Variants in NPAS3 observed in about 807,000 individuals in gnomAD.
The protein encoded by NPAS3 is neuronal PAS domain-containing protein 3.
A neutral mutation model predicts 73.1 loss-of-function variants in NPAS3; 14 were observed. The ratio of observed to expected loss-of-function variants is 0.19; its 90% confidence interval spans 0.13 to 0.30. NPAS3 has a LOEUF of 0.30. Ranked by LOEUF, NPAS3 falls within the 10% of genes least tolerant of loss-of-function variation. The pLI is 1.00. For missense variants in NPAS3, 1,096 were observed against 1,250.0 expected (o/e 0.88, Z 1.86); for synonymous variants, 620 against 541.5 (o/e 1.14, Z -2.01).
At chr14:33,465,001 G>A (rs1049468199) in intron 4 of NPAS3, among the ~76,000 whole-genome samples, 17 of 152,128 alleles carry the variant, frequency 1.1e-4, no homozygotes, top group African/African-American at 4.1e-4. Context: ...ATTCACTATA[G>A]AAACAGTAAA....
intron 2 of NPAS3, among the ~76,000 whole-genome samples, chr14:33,078,742 A>G (rs2041760731): frequency 6.6e-6 from 1 of 152,212 alleles, no homozygotes; most frequent in South Asian, 2.1e-4. Flanking sequence ...ATTCTTGGAG[A>G]GCAAACTATT....
intron 7 of NPAS3, among the ~76,000 whole-genome samples, chr14:33,771,810 CA>C (rs564918528): frequency 6.5e-4 from 91 of 139,682 alleles, no homozygotes; most frequent in South Asian, 1.4e-3. Context: ...GACTCCATCT[CA>C]AAAAAAAAAA....
exon 12 of NPAS3, chr14:33,801,069 G>T: frequency 6.3e-7 from 1 of 1,593,368 alleles, no homozygotes; most frequent in South Asian, 1.1e-5. Flanking sequence ...TACAGCAACG[G>T]CATCCACGCG....
At chr14:33,753,373 AC>A (rs1356565154) in intron 7 of NPAS3, among the ~76,000 whole-genome samples, 17 of 150,178 alleles carry the variant, frequency 1.1e-4, no homozygotes, top group East Asian at 9.7e-4. Context: ...AAAAAAAAAA[AC>A]GTACACTCCA....
intron 1 of NPAS3, among the ~76,000 whole-genome samples, chr14:33,031,544 G>A (rs568936452): frequency 1.3e-5 from 2 of 152,294 alleles, no homozygotes; most frequent in South Asian, 4.1e-4. Context: ...CCAGGCTGGA[G>A]TGCAGTGGTG....
At chr14:32,938,485 T>TAGAGAGAGAGAGAGAGAG (rs1491191135), upstream of NPAS3, among the ~76,000 whole-genome samples, 637 of 21,684 alleles carry the variant, frequency 0.029, 62 homozygotes, top group Middle Eastern at 0.059. Context: ...GAGAGAGAAA[T>TAGAGAGAGAGAGAGAGAG]TGAGAGAGAG....
intron 5 of NPAS3, among the ~76,000 whole-genome samples, chr14:33,601,061 T>C (rs994073428): frequency 3.9e-5 from 6 of 152,150 alleles, no homozygotes; most frequent in South Asian, 2.1e-4. Context: ...CCTGACCCCA[T>C]TGGCTAGCAC....
chr14:33,212,888 G>A (rs2047089343), intron 2 of NPAS3, among the ~76,000 whole-genome samples: 1 of 152,132 alleles, frequency 6.6e-6, no homozygotes, highest in African/African-American at 2.4e-5. Context: ...TTTTATAATT[G>A]TCTGTCCAAA....
At chr14:33,317,441 G>C (rs78849944) in intron 3 of NPAS3, among the ~76,000 whole-genome samples, 4,240 of 152,164 alleles carry the variant, frequency 0.028, 193 homozygotes, top group East Asian at 0.19. Flanking sequence ...GGAAGGGCTA[G>C]AATGCAAGCC....
chr14:33,213,994 C>A (rs1471341469), intron 2 of NPAS3: 2 of 152,072 alleles, frequency 1.3e-5, no homozygotes, highest in African/African-American at 4.8e-5. Context: ...TGCTGCTGAA[C>A]CAATTTTGAT....
chr14:33,417,181 C>T (rs1489570530), intron 4 of NPAS3, among the ~76,000 whole-genome samples: 1 of 151,954 alleles, frequency 6.6e-6, no homozygotes, highest in Non-Finnish European at 1.5e-5. Context: ...AACTATGGAA[C>T]ATTGCCTCTG....
chr14:33,658,753 G>T (rs1462753696), intron 5 of NPAS3, among the ~76,000 whole-genome samples: 2 of 152,110 alleles, frequency 1.3e-5, no homozygotes, highest in African/African-American at 4.8e-5. Flanking sequence ...GATCCCTGTG[G>T]ATCAAAGGCA....
At chr14:33,459,747 A>C (rs1453589534) in intron 4 of NPAS3, among the ~76,000 whole-genome samples, 8 of 152,154 alleles carry the variant, frequency 5.3e-5, no homozygotes, top group Non-Finnish European at 1.2e-4. Flanking sequence ...CATTGTACAA[A>C]TCTCCCTTAA....
chr14:33,756,143 T>C (rs1307686482), intron 7 of NPAS3, among the ~76,000 whole-genome samples: 1 of 152,220 alleles, frequency 6.6e-6, no homozygotes, highest in Admixed American at 6.5e-5. Context: ...TTATTAGTGA[T>C]TGAAAGCTTT....
At chr14:33,681,317 C>CAAGATTTCTATCAATGAACT (rs2059931236) in intron 6 of NPAS3, among the ~76,000 whole-genome samples, 1 of 151,936 alleles carries the variant, frequency 6.6e-6, no homozygotes, top group Admixed American at 6.6e-5. Context: ...TGTATTGGGT[C>CAAGATTTCTATCAATGAACT]AAGATTTCTA....
At position 33,025,013 on chromosome 14, in the gene NPAS3, T is replaced by C. The variant is rs555829892; in HGVS notation, c.51-30892T>C. Among the ~76,000 whole-genome samples, 5 of 152,336 alleles carry C rather than the reference T, an allele frequency of 3.3e-5. No homozygotes were observed. In the South Asian group the frequency reaches 1.0e-3, roughly 32 times the overall value. ...TTAACATATTTGTGCATATCTAAAT[T>C]GTTAGGGTGCTCTTGAAATGAGCCT... On this transcript the variant is annotated intron_variant, in intron 1 of 11. Transcript: ENST00000356141.
chr14:33,358,065 C>G (rs2140375606), intron 3 of NPAS3, among the ~76,000 whole-genome samples: 1 of 152,286 alleles, frequency 6.6e-6, no homozygotes, highest in South Asian at 2.1e-4. Flanking sequence ...ACAAGCACAT[C>G]CTGGAAATGG....
At chr14:33,157,663 T>G (rs545581973) in intron 2 of NPAS3, among the ~76,000 whole-genome samples, 91 of 152,338 alleles carry the variant, frequency 6.0e-4, no homozygotes, top group Non-Finnish European at 1.1e-3. Context: ...GAAATAAGAC[T>G]ATATTTTATA....
At chr14:33,774,214 G>T (rs1691254554) in intron 7 of NPAS3, 123 bp from the exon 8 acceptor site, 1 of 691,964 alleles carries the variant, frequency 1.4e-6, no homozygotes, top group South Asian at 2.0e-5. Context: ...CAGCCATTAT[G>T]ATTACAGAAG....
Sources: gnomAD v4.1 joint callset for allele counts (sites outside exome capture counted in the v4.1 genomes callset) on GRCh38, gnomAD v4.1.1 for gene constraint, MANE v1.5 for transcripts, NCBI Gene and HGNC (gene_info 2026-07-23, HGNC 2026-07-21) for gene names.